Variants in CDK5RAP2 observed in about 807,000 individuals in gnomAD.
CDK5RAP2 encodes CDK5 regulatory subunit-associated protein 2.
A neutral mutation model predicts 232.9 loss-of-function variants in CDK5RAP2; 147 were observed. The observed-to-expected ratio is 0.63, with a 90% confidence interval of 0.55 to 0.72. The LOEUF (loss-of-function observed/expected upper bound fraction) is 0.72. CDK5RAP2 is among the 30% of genes least tolerant of loss of function. The probability of loss-of-function intolerance (pLI) is 0.00; values close to 1 mark genes in which losing one functional copy is unlikely to be tolerated. For missense variants in CDK5RAP2, 2,195 were observed against 2,231.5 expected (o/e 0.98, Z 0.33); for synonymous variants, 833 against 833.7 (o/e 1.00, Z 0.01).
At chr9:120,407,274 C>T in intron 31 of CDK5RAP2, 26 bp from the exon 32 acceptor site, 1 of 1,552,960 alleles carries the variant, frequency 6.4e-7, no homozygotes, top group Non-Finnish European at 8.9e-7. Context: ...AAGAGAAGCC[C>T]TGACATCTTC....
At chr9:120,528,886 T>C in intron 8 of CDK5RAP2, 89 bp from the exon 9 acceptor site, 1 of 899,388 alleles carries the variant, frequency 1.1e-6, no homozygotes, top group Non-Finnish European at 1.9e-6. Flanking sequence ...CCTTGTCGCT[T>C]ACTCACCTTC....
At chr9:120,496,486 C>T (rs2039250366) in intron 12 of CDK5RAP2, among the ~76,000 whole-genome samples, 1 of 141,560 alleles carries the variant, frequency 7.1e-6, no homozygotes, top group South Asian at 2.2e-4. Flanking sequence ...TCTGCCCGGC[C>T]AGCCGCCCCG....
At chr9:120,460,492 T>G in intron 19 of CDK5RAP2, 80 bp downstream of exon 19, 1 of 1,321,924 alleles carries the variant, frequency 7.6e-7, no homozygotes, top group South Asian at 1.2e-5. Flanking sequence ...GAAAACCCAC[T>G]GGACTCATTC....
intron 11 of CDK5RAP2, among the ~76,000 whole-genome samples, chr9:120,523,163 T>TAC (rs2040748227): frequency 6.6e-6 from 1 of 152,224 alleles, no homozygotes; most frequent in Admixed American, 6.5e-5. Flanking sequence ...ACCAACACTG[T>TAC]ACATTGTAAG....
chr9:120,400,386 T>C (rs902329624), intron 35 of CDK5RAP2, among the ~76,000 whole-genome samples: 6 of 152,354 alleles, frequency 3.9e-5, no homozygotes, highest in Middle Eastern at 3.4e-3. Context: ...TGAGGACAAA[T>C]TAGGACTTAG....
At chr9:120,450,212 T>A (rs940580955) in intron 21 of CDK5RAP2, among the ~76,000 whole-genome samples, 13 of 152,216 alleles carry the variant, frequency 8.5e-5, no homozygotes, top group African/African-American at 2.9e-4. Context: ...ACAACGTGAA[T>A]GAACCTCAAA....
At chr9:120,518,220 A>T (rs950657264) in intron 12 of CDK5RAP2, among the ~76,000 whole-genome samples, 117 of 143,458 alleles carry the variant, frequency 8.2e-4, no homozygotes, top group African/African-American at 2.7e-3. Context: ...TGAGAGAGAG[A>T]GAGAGAGAGA....
At chr9:120,395,502 C>T (rs534144064) in intron 35 of CDK5RAP2, among the ~76,000 whole-genome samples, 3 of 152,194 alleles carry the variant, frequency 2.0e-5, no homozygotes, top group Admixed American at 6.5e-5. Context: ...CATACATGCA[C>T]GGCGGAGCCC....
At chr9:120,400,604 C>T (rs780772468) in intron 35 of CDK5RAP2, 138 bp downstream of exon 35, 4 of 1,005,160 alleles carry the variant, frequency 4.0e-6, no homozygotes, top group Non-Finnish European at 6.1e-6. Flanking sequence ...GAAGCCATGG[C>T]AAACGGTGCC....
At chr9:120,524,290 T>C (rs1420311362) in intron 11 of CDK5RAP2, among the ~76,000 whole-genome samples, 2 of 152,228 alleles carry the variant, frequency 1.3e-5, no homozygotes, top group African/African-American at 4.8e-5. Flanking sequence ...ATTTTGGCTC[T>C]GCCACTTGCT....
rs1175279392 is a variant in CDK5RAP2 at position 120,536,653 on chromosome 9, A to G, written c.508-127T>C. 3 of 908,660 alleles carry G rather than the reference A, an allele frequency of 3.3e-6. No homozygotes were observed. The Admixed American group carries it at 6.0e-5, about 18-fold the overall frequency. 56.3% of individuals were successfully genotyped at this position (908,660 alleles called of 1,614,324 possible). A position where few individuals can be genotyped will look rare whatever the true frequency, so the allele number is the denominator to read the frequency against. ...AGCACATTTCCCCTCCCTGAATTGT[A>G]CTATACATGGAGAGAATCAGTAATA... On this transcript the variant is annotated intron_variant, in intron 6 of 37. Transcript: ENST00000349780.
intron 35 of CDK5RAP2, among the ~76,000 whole-genome samples, chr9:120,395,290 A>G (rs968552738): frequency 2.0e-5 from 3 of 152,250 alleles, no homozygotes. Flanking sequence ...TCTCTCCATG[A>G]GCTATGATTT....
At chr9:120,449,825 T>C (rs769312682) in intron 21 of CDK5RAP2, among the ~76,000 whole-genome samples, 7 of 152,206 alleles carry the variant, frequency 4.6e-5, no homozygotes, top group Non-Finnish European at 1.0e-4. Context: ...AAAATACCAC[T>C]ACTTCATACC....
At chr9:120,479,408 CA>C (rs1807323638) in intron 14 of CDK5RAP2, among the ~76,000 whole-genome samples, 2 of 152,098 alleles carry the variant, frequency 1.3e-5, no homozygotes, top group Non-Finnish European at 2.9e-5. Flanking sequence ...ACACCTCCCC[CA>C]AAATACTTAT....
At chr9:120,541,226 A>G (rs2041619022) in intron 5 of CDK5RAP2, among the ~76,000 whole-genome samples, 1 of 151,584 alleles carries the variant, frequency 6.6e-6, no homozygotes, top group Non-Finnish European at 1.5e-5. Context: ...TTACCCCTCC[A>G]CCCTGCCCAC....
At chr9:120,430,175 C>T (rs915617734) in intron 25 of CDK5RAP2, among the ~76,000 whole-genome samples, 61 of 152,290 alleles carry the variant, frequency 4.0e-4, no homozygotes, top group African/African-American at 1.2e-3. Context: ...AAAACCTAGG[C>T]ATTACTATTC....
intron 31 of CDK5RAP2, chr9:120,407,553 T>G (rs1428208187): frequency 2.4e-6 from 1 of 408,178 alleles, no homozygotes; most frequent in African/African-American, 2.0e-5. Flanking sequence ...GGGCTAGAAT[T>G]ATAGAATGAA....
At chr9:120,401,998 T>G (rs539247295) in intron 34 of CDK5RAP2, among the ~76,000 whole-genome samples, 1 of 150,420 alleles carries the variant, frequency 6.6e-6, no homozygotes, top group East Asian at 2.0e-4. Context: ...AAAAAAAATT[T>G]TATATATATA....
chr9:120,558,171 G>A lies in CDK5RAP2; in HGVS notation c.196-7269C>T, dbSNP rs191283629. 8.9e-3 allele frequency among the ~76,000 whole-genome samples: 1,312 copies of A among 147,798 alleles called. 20 individuals are homozygous for A. The highest frequency in any genetic ancestry group is 0.03 in the African/African-American group (1,219 of 40,758). Reference sequence around the variant, plus strand: ...AGGCAGATCATGAGGTCAAGAGATCGAGACCATCCTGGCCAACATGGTGAA... The same window carrying A: ...AGGCAGATCATGAGGTCAAGAGATCAAGACCATCCTGGCCAACATGGTGAA... On this transcript the variant is annotated intron_variant, in intron 3 of 37. Transcript: ENST00000349780.
Sources: allele counts gnomAD v4.1 joint callset (sites outside exome capture counted in the v4.1 genomes callset), GRCh38; gene constraint gnomAD v4.1.1; transcripts MANE v1.5; gene names NCBI Gene and HGNC (gene_info 2026-07-23, HGNC 2026-07-21).